Variants in GALNT10 observed in about 807,000 individuals in gnomAD.
GALNT10 encodes GalNAc transferase 10.
A neutral mutation model predicts 75.0 loss-of-function variants in GALNT10; 41 were observed. The observed-to-expected ratio is 0.55, with a 90% CI of 0.43 to 0.71. The LOEUF (loss-of-function observed/expected upper bound fraction) is 0.71. Ranked by LOEUF, GALNT10 falls within the 30% of genes least tolerant of loss-of-function variation. The pLI is 0.00. For synonymous variants in GALNT10, 302 were observed against 313.0 expected (o/e 0.96, Z 0.37); for missense variants, 727 against 818.5 (o/e 0.89, Z 1.36).
Position 154,386,445 on chromosome 5 carries a change from C to T in GALNT10, c.1056+15C>T, listed in dbSNP as rs773068024. ...TCTCCTTCAAGGTGAGCCAGCTCTC[C>T]AGACGCCCCGTTCTTGGCACAGCCT... On this transcript the variant is annotated intron_variant, in intron 7 of 11. Coordinates refer to ENST00000297107, the MANE Select transcript of GALNT10 (RefSeq NM_198321.4). 2 of 1,493,758 alleles carry T rather than the reference C, an allele frequency of 1.3e-6. No individual in the cohort carries two copies. The highest frequency in any genetic ancestry group is 1.9e-6 in the Non-Finnish European group (2 of 1,070,016). 92.5% of individuals were successfully genotyped at this position (1,493,758 alleles called of 1,614,324 possible). A position where few individuals can be genotyped will look rare whatever the true frequency, so the allele number is the denominator to read the frequency against.
chr5:154,346,139 C>T (rs201465480), intron 4 of GALNT10, among the ~76,000 whole-genome samples: 7 of 147,712 alleles, frequency 4.7e-5, no homozygotes, highest in South Asian at 4.4e-4. Context: ...TTCGTGTGTG[C>T]GTGTGTGTGT....
intron 4 of GALNT10, among the ~76,000 whole-genome samples, chr5:154,353,605 A>G (rs1306228807): frequency 6.6e-6 from 1 of 152,226 alleles, no homozygotes; most frequent in Non-Finnish European, 1.5e-5. Flanking sequence ...GCCTTGGGCT[A>G]GACTTTAGGG....
At chr5:154,284,583 C>T (rs542523195) in intron 1 of GALNT10, among the ~76,000 whole-genome samples, 2 of 152,282 alleles carry the variant, frequency 1.3e-5, no homozygotes, top group East Asian at 3.9e-4. Flanking sequence ...AGCCCTTGCT[C>T]CTGCCCAGCC....
intron 1 of GALNT10, among the ~76,000 whole-genome samples, chr5:154,205,862 A>C (rs188131094): frequency 5.1e-4 from 78 of 152,296 alleles, no homozygotes; most frequent in Non-Finnish European, 9.8e-4. Flanking sequence ...GAGGCTTTGG[A>C]GATAGGATAG....
intron 1 of GALNT10, among the ~76,000 whole-genome samples, chr5:154,257,816 G>A (rs1753637645): frequency 6.6e-6 from 1 of 152,094 alleles, no homozygotes; most frequent in South Asian, 2.1e-4. Context: ...TAGGGAGTGA[G>A]GTTTTTCTTG....
At chr5:154,328,192 A>G (rs1243892993) in intron 3 of GALNT10, among the ~76,000 whole-genome samples, 1 of 152,234 alleles carries the variant, frequency 6.6e-6, no homozygotes, top group Non-Finnish European at 1.5e-5. Context: ...CAAACCAACT[A>G]TAGAAAGACG....
intron 7 of GALNT10, among the ~76,000 whole-genome samples, chr5:154,396,240 T>G (rs1456918357): frequency 1.5e-5 from 2 of 135,654 alleles, no homozygotes; most frequent in Non-Finnish European, 3.1e-5. Context: ...ATTAGGTAAT[T>G]AATGTTTGTT....
At chr5:154,309,170 A>C (rs1754475677) in intron 3 of GALNT10, among the ~76,000 whole-genome samples, 2 of 152,212 alleles carry the variant, frequency 1.3e-5, no homozygotes, top group Non-Finnish European at 1.5e-5. Flanking sequence ...TGAGAGGCCT[A>C]GCAGGAAAGT....
chr5:154,269,740 T>C (rs1753833830), intron 1 of GALNT10, among the ~76,000 whole-genome samples: 1 of 152,086 alleles, frequency 6.6e-6, no homozygotes, highest in Admixed American at 6.6e-5. Context: ...GGGAGCCTGG[T>C]ATGGTTGAGG....
chr5:154,280,689 A>T (rs1318319577), intron 1 of GALNT10, among the ~76,000 whole-genome samples: 1 of 152,222 alleles, frequency 6.6e-6, no homozygotes, highest in African/African-American at 2.4e-5. Context: ...GTCCTCTTTA[A>T]GAAACCTTTG....
rs149240680 is a variant in GALNT10 at position 154,352,838 on chromosome 5, G to C, written c.568+23100G>C. On this transcript the variant is annotated intron_variant, in intron 4 of 11. Transcript: ENST00000297107. The surrounding 1 kb of genome is among the most constrained non-coding windows in gnomAD (Gnocchi z 4.4). ...CTTGACCACCCCGCGGTCTTGCATCGGGACATGGCTATGGCAGGGAAGAAA... is the reference window on the plus strand; with the variant it reads ...CTTGACCACCCCGCGGTCTTGCATCCGGACATGGCTATGGCAGGGAAGAAA... Among the ~76,000 whole-genome samples, 201 of 152,254 alleles carry C rather than the reference G, an allele frequency of 1.3e-3. No individual in the cohort carries two copies. The highest frequency in any genetic ancestry group is 4.5e-3 in the African/African-American group (189 of 41,540).
intron 1 of GALNT10, among the ~76,000 whole-genome samples, chr5:154,217,168 C>G (rs746756111): frequency 6.6e-6 from 1 of 152,192 alleles, no homozygotes; most frequent in Non-Finnish European, 1.5e-5. Context: ...CCTTCCTCCT[C>G]CTTTCACTAG....
intron 4 of GALNT10, chr5:154,356,392 G>C (rs1755299196): frequency 2.9e-6 from 1 of 343,776 alleles, no homozygotes; most frequent in Non-Finnish European, 5.8e-6. Context: ...TATGAGAAAG[G>C]CTCTGGGAGA....
chr5:154,293,611 A>ATTTTTTTTTTT (rs912343114), intron 1 of GALNT10, among the ~76,000 whole-genome samples: 7 of 96,702 alleles, frequency 7.2e-5, no homozygotes, highest in African/African-American at 3.1e-4. Context: ...ATATATATAT[A>ATTTTTTTTTTT]TATTTTTTTT....
chr5:154,272,556 A>G (rs1219805785), intron 1 of GALNT10, among the ~76,000 whole-genome samples: 2 of 152,214 alleles, frequency 1.3e-5, no homozygotes, highest in Non-Finnish European at 2.9e-5. Context: ...GTGGGCAGAC[A>G]TCAGAGGCCT....
intron 2 of GALNT10, among the ~76,000 whole-genome samples, chr5:154,296,654 G>A (rs561543865): frequency 1.3e-5 from 2 of 152,204 alleles, no homozygotes; most frequent in South Asian, 2.1e-4. Flanking sequence ...ACTCGGAAAG[G>A]CTGAAGGCAT....
chr5:154,328,256 ATGT>A (rs1754787103), intron 3 of GALNT10, among the ~76,000 whole-genome samples: 1 of 152,192 alleles, frequency 6.6e-6, no homozygotes, highest in Non-Finnish European at 1.5e-5. Context: ...TTAAGGAACA[ATGT>A]TAATTCTTCT....
intron 4 of GALNT10, among the ~76,000 whole-genome samples, chr5:154,343,132 C>T (rs987909676): frequency 6.6e-6 from 1 of 151,974 alleles, no homozygotes; most frequent in Admixed American, 6.6e-5. Flanking sequence ...TCCAGGTCCT[C>T]AGTCTCGGTG....
At chr5:154,326,782 T>C (rs1177818814) in intron 3 of GALNT10, among the ~76,000 whole-genome samples, 2 of 152,178 alleles carry the variant, frequency 1.3e-5, no homozygotes, top group Non-Finnish European at 2.9e-5. Flanking sequence ...CACACAGGGT[T>C]TCTTTAGGAG....
Sources: allele counts gnomAD v4.1 joint callset (sites outside exome capture counted in the v4.1 genomes callset), GRCh38; gene constraint gnomAD v4.1.1; non-coding constraint Gnocchi (gnomAD v3.1); transcripts MANE v1.5; gene names NCBI Gene and HGNC (gene_info 2026-07-23, HGNC 2026-07-21).